The following GNB5 variants were observed in gnomAD, a reference collection of about 807,000 sequenced individuals.
GNB5 encodes the protein G protein subunit beta 5.
A neutral mutation model predicts 55.3 loss-of-function variants in GNB5; 37 were observed. The ratio of observed to expected loss-of-function variants is 0.67; its 90% CI spans 0.51 to 0.88. The LOEUF is 0.88. Among genes scored for constraint, GNB5 ranks in the 40% least tolerant of loss-of-function variants. The pLI is 0.00. For synonymous variants in GNB5, 219 were observed against 198.5 expected, an observed-to-expected ratio of 1.10 and a Z score of -0.87; for missense variants, 476 against 515.3, an observed-to-expected ratio of 0.92 and a Z score of 0.74.
Position 52,125,958 on chromosome 15 carries a change from G to A in GNB5, c.999C>T (p.Phe333=). Residue 333 remains phenylalanine, a synonymous_variant, in exon 11 of 13, where the codon TTC becomes TTT. Transcript: ENST00000261837. ...SIIFGASSVD[F]SLSGRLLFAG... ...GAAATAAAATCTTACCACTGAGGGA[G>A]AAGTCCACGCTGGATGCTCCAAATA... 6.9e-7 allele frequency: 1 copy of A among 1,440,772 alleles called. No individual in the cohort carries two copies. The highest frequency in any genetic ancestry group is 1.4e-5 in the African/African-American group (1 of 71,658). 89.2% of individuals were successfully genotyped at this position (1,440,772 alleles called of 1,614,324 possible).
At chr15:52,148,897 A>C (rs560933015) in intron 5 of GNB5, among the ~76,000 whole-genome samples, 28 of 152,332 alleles carry the variant, frequency 1.8e-4, no homozygotes, top group African/African-American at 5.5e-4. Flanking sequence ...GCCACGGGCC[A>C]CAAGTGGCAC....
intron 3 of GNB5, among the ~76,000 whole-genome samples, chr15:52,171,467 G>A (rs899835588): frequency 5.3e-5 from 8 of 152,186 alleles, no homozygotes; most frequent in Admixed American, 5.2e-4. Context: ...TCCACAGTGA[G>A]CATTTGTTTA....
intron 1 of GNB5, among the ~76,000 whole-genome samples, chr15:52,187,909 A>G (rs1408390976): frequency 6.6e-6 from 1 of 152,070 alleles, no homozygotes; most frequent in East Asian, 1.9e-4. Context: ...AGATCATGCC[A>G]CTGCACTCCA....
intron 3 of GNB5, among the ~76,000 whole-genome samples, chr15:52,174,512 T>C (rs994104940): frequency 6.6e-6 from 1 of 152,130 alleles, no homozygotes; most frequent in Non-Finnish European, 1.5e-5. Context: ...TGGCTTCCCA[T>C]CAGAGGACCC....
At chr15:52,127,812 C>T (rs1158080407) in intron 10 of GNB5, among the ~76,000 whole-genome samples, 1 of 98,938 alleles carries the variant, frequency 1.0e-5, no homozygotes, top group African/African-American at 7.1e-5. Flanking sequence ...GTGTTTTTAA[C>T]AGAAAAAAAA....
intron 9 of GNB5, among the ~76,000 whole-genome samples, chr15:52,131,256 T>C (rs978758925): frequency 1.3e-5 from 2 of 152,364 alleles, no homozygotes; most frequent in Middle Eastern, 3.4e-3. Context: ...CTGAACCTTT[T>C]TTCTTGTCAT....
rs760011504 is a variant in GNB5, at chr15:52,153,921, T to C, written c.375+19A>G. On this transcript the variant is annotated intron_variant, in intron 4 of 12. Coordinates refer to ENST00000261837, the MANE Select transcript of GNB5 (RefSeq NM_016194.4). ...AAATCCAAAACCCGCTCACCTGTTATGCAGCAGGTGTGACATACCTGTGAC... is the reference window on the plus strand; with the variant it reads ...AAATCCAAAACCCGCTCACCTGTTACGCAGCAGGTGTGACATACCTGTGAC... 4.4e-6 allele frequency: 7 copies of C among 1,601,304 alleles called. No individual in the cohort carries two copies. In the South Asian group the frequency reaches 5.5e-5, roughly 13 times the overall value.
In GNB5 at chr15:52,137,637, C is replaced by A. The variant is rs150719008; in HGVS notation, c.628-1881G>T. 5.9e-4 allele frequency: 672 copies of A among 1,143,738 alleles called. 2 individuals carry two copies. In the African/African-American group the frequency reaches 9.9e-3, roughly 17 times the overall value. The allele number at this position is 1,143,738 out of a possible 1,614,324, so 70.8% of individuals were successfully genotyped here. ...CCCAGGGAAAGACATGGGGACAGGG[C>A]TGGAATTTTACTTTTTGTCACTGCC... On this transcript the variant is annotated intron_variant, in intron 7 of 12. Transcript: ENST00000261837.
intron 9 of GNB5, among the ~76,000 whole-genome samples, chr15:52,129,250 C>A (rs1271959980): frequency 6.6e-6 from 1 of 152,128 alleles, no homozygotes; most frequent in Non-Finnish European, 1.5e-5. Context: ...GTCACCGCAC[C>A]CACGCTGTTT....
intron 3 of GNB5, among the ~76,000 whole-genome samples, chr15:52,161,459 G>A (rs1319036107): frequency 2.6e-5 from 4 of 152,142 alleles, no homozygotes; most frequent in Admixed American, 6.5e-5. Flanking sequence ...TACCACGCCC[G>A]GCTAATTTTC....
At chr15:52,144,985 G>A (rs2033939508) in intron 6 of GNB5, among the ~76,000 whole-genome samples, 1 of 152,106 alleles carries the variant, frequency 6.6e-6, no homozygotes, top group Non-Finnish European at 1.5e-5. Flanking sequence ...ATAAAACTGT[G>A]GTAGTAAGTA....
At chr15:52,147,731 C>A (rs1318988093) in intron 5 of GNB5, among the ~76,000 whole-genome samples, 196 bp from the exon 6 acceptor site, 2 of 152,002 alleles carry the variant, frequency 1.3e-5, no homozygotes, top group Non-Finnish European at 1.5e-5. Flanking sequence ...TACAGGCATG[C>A]GCCACCATGC....
chr15:52,142,348 A>G (rs1470934910), intron 6 of GNB5, among the ~76,000 whole-genome samples: 1 of 152,224 alleles, frequency 6.6e-6, no homozygotes, highest in African/African-American at 2.4e-5. Flanking sequence ...TGAATCAGAT[A>G]TTACTTTAGG....
At chr15:52,187,979 T>A (rs1230746758) in intron 1 of GNB5, among the ~76,000 whole-genome samples, 11 of 150,052 alleles carry the variant, frequency 7.3e-5, no homozygotes, top group Non-Finnish European at 7.4e-5. Context: ...AATAAATAAA[T>A]AAATAAGTGG....
At position 52,143,706 on chromosome 15, in the gene GNB5, A is replaced by C. The variant is rs117241067; in HGVS notation, c.495-2434T>G. Among the ~76,000 whole-genome samples, 722 of 152,326 alleles carry C rather than the reference A, an allele frequency of 4.7e-3. 17 individuals are homozygous for C. Among genetic ancestry groups the C allele is most frequent in the East Asian group, 0.025 (128 of 5,186 alleles). On this transcript the variant is annotated intron_variant, in intron 6 of 12. Coordinates refer to ENST00000261837, the MANE Select transcript of GNB5 (RefSeq NM_016194.4). ...TATTACCTACAATGACTTTTAGAGA[A>C]TGTGGCATCGGTGTGGGTCTATTAC... is the stretch of plus-strand genomic sequence containing the variant.
intron 9 of GNB5, among the ~76,000 whole-genome samples, chr15:52,132,674 T>C (rs1355014654): frequency 1.4e-5 from 2 of 144,780 alleles, no homozygotes; most frequent in Non-Finnish European, 3.0e-5. Flanking sequence ...GGTTGAGCCA[T>C]GTTGCCTAGC....
intron 3 of GNB5, among the ~76,000 whole-genome samples, chr15:52,167,228 A>T (rs1356283274): frequency 6.6e-6 from 1 of 152,246 alleles, no homozygotes; most frequent in Non-Finnish European, 1.5e-5. Flanking sequence ...ACAGATTTAC[A>T]GCTGAATTTT....
intron 3 of GNB5, among the ~76,000 whole-genome samples, chr15:52,163,421 A>T (rs1345706443): frequency 6.6e-6 from 1 of 152,122 alleles, no homozygotes; most frequent in African/African-American, 2.4e-5. Context: ...ACAAGCTAAG[A>T]CTCACTGTCT....
At chr15:52,149,114 T>G (rs3794541) in intron 5 of GNB5, among the ~76,000 whole-genome samples, 1 of 152,014 alleles carries the variant, frequency 6.6e-6, no homozygotes, top group Admixed American at 6.6e-5. Context: ...CAAAATGGTT[T>G]CGGCCCCTCA....
Sources: gnomAD v4.1 joint callset for allele counts (sites outside exome capture counted in the v4.1 genomes callset) on GRCh38, gnomAD v4.1.1 for gene constraint, MANE v1.5 for transcripts, NCBI Gene and HGNC (gene_info 2026-07-23, HGNC 2026-07-21) for gene names.